The following FABP12 variants were observed in gnomAD, a reference collection of about 807,000 sequenced individuals.
FABP12 encodes fatty acid binding protein 12, also known as fatty acid-binding protein 12.
Under a neutral mutation model 13.7 loss-of-function variants are expected in FABP12, and 19 were observed. The observed-to-expected ratio is 1.39, with a 90% CI of 0.97 to 2.04. The LOEUF is 2.04. Among genes scored for constraint, FABP12 ranks in the 30% most tolerant of loss-of-function variants. The probability of loss-of-function intolerance (pLI) is 0.00; values close to 1 mark genes in which losing one functional copy is unlikely to be tolerated. For synonymous variants in FABP12, 61 were observed against 57.0 expected, an observed-to-expected ratio of 1.07 and a Z score of -0.32; for missense variants, 182 against 164.2, an observed-to-expected ratio of 1.11 and a Z score of -0.59.
intron 1 of FABP12, among the ~76,000 whole-genome samples, chr8:81,575,454 T>C (rs780573001): frequency 6.6e-6 from 1 of 152,238 alleles, no homozygotes; most frequent in Admixed American, 6.5e-5. Context: ...ATGTTCTGTA[T>C]ATACCTGTTA....
At chr8:81,587,781 A>C (rs552243907) in intron 1 of FABP12, among the ~76,000 whole-genome samples, 1 of 152,260 alleles carries the variant, frequency 6.6e-6, no homozygotes, top group African/African-American at 2.4e-5. Flanking sequence ...ATAGATGTAT[A>C]TATAAATAAA....
chr8:81,527,182 T>G, intron 3 of FABP12, 61 bp from the exon 4 acceptor site: 1 of 950,582 alleles, frequency 1.1e-6, no homozygotes, highest in Non-Finnish European at 1.6e-6. Flanking sequence ...TAAAATTTTA[T>G]CAGGCAGCAA....
intron 1 of FABP12, among the ~76,000 whole-genome samples, chr8:81,577,970 C>T (rs549528070): frequency 1.2e-3 from 180 of 152,200 alleles, no homozygotes; most frequent in African/African-American, 4.1e-3. Context: ...TGATGGAATC[C>T]TCTAATTATT....
chr8:81,585,140 A>G (rs1056488095), intron 1 of FABP12, among the ~76,000 whole-genome samples: 2 of 152,184 alleles, frequency 1.3e-5, no homozygotes, highest in East Asian at 3.8e-4. Context: ...TTAAGGTCAC[A>G]GCCCAAAAAT....
chr8:81,570,681 C>T (rs949652558), intron 1 of FABP12, among the ~76,000 whole-genome samples: 5 of 152,148 alleles, frequency 3.3e-5, no homozygotes, highest in African/African-American at 9.7e-5. Context: ...CAGCTTGTCC[C>T]ATCGTCTGCA....
At position 81,570,599 on chromosome 8, in the gene FABP12, C is replaced by A. The variant is rs148199940; in HGVS notation, c.-185+19454G>T. On this transcript the variant is annotated intron_variant, in intron 1 of 5. Transcript: ENST00000692030. ...TCTCAGCAGAGAGGGTACCTCTCTGCAGCTGGTTGTCCCGTTGTCTCCAGC... is the reference window on the plus strand; with the variant it reads ...TCTCAGCAGAGAGGGTACCTCTCTGAAGCTGGTTGTCCCGTTGTCTCCAGC... Among the ~76,000 whole-genome samples, 694 of 152,206 alleles carry A rather than the reference C, an allele frequency of 4.6e-3. 5 individuals carry two copies. Among genetic ancestry groups the A allele is most frequent in the South Asian group, 0.021 (103 of 4,816 alleles).
At chr8:81,573,667 T>A (rs1038641235) in intron 1 of FABP12, among the ~76,000 whole-genome samples, 1 of 152,170 alleles carries the variant, frequency 6.6e-6, no homozygotes, top group Non-Finnish European at 1.5e-5. Context: ...TTTCGATTCC[T>A]TGGTTAGGTA....
intron 2 of FABP12, 88 bp from the exon 3 acceptor site, chr8:81,529,698 G>A: frequency 8.2e-7 from 1 of 1,221,876 alleles, no homozygotes; most frequent in Non-Finnish European, 1.1e-6. Flanking sequence ...ATCTGTTGTT[G>A]ACTCCAAAAA....
chr8:81,568,046 C>T (rs1809860487), intron 1 of FABP12, among the ~76,000 whole-genome samples: 2 of 151,752 alleles, frequency 1.3e-5, no homozygotes, highest in Non-Finnish European at 2.9e-5. Context: ...TGGCGTGAAC[C>T]CGGGAAGCGG....
intron 1 of FABP12, among the ~76,000 whole-genome samples, chr8:81,572,427 A>G (rs1477873642): frequency 6.6e-6 from 1 of 152,178 alleles, no homozygotes; most frequent in African/African-American, 2.4e-5. Flanking sequence ...TATGTGCAAG[A>G]ATCTTTTGCG....
At chr8:81,542,932 TA>T (rs1463353721) in intron 1 of FABP12, among the ~76,000 whole-genome samples, 1 of 152,174 alleles carries the variant, frequency 6.6e-6, no homozygotes, top group Non-Finnish European at 1.5e-5. Context: ...GGACAAAGAC[TA>T]CCTGACAACA....
At chr8:81,586,052 T>C (rs61356500) in intron 1 of FABP12, among the ~76,000 whole-genome samples, 7,144 of 152,250 alleles carry the variant, frequency 0.047, 490 homozygotes, top group African/African-American at 0.15. Context: ...TGTCTATGTG[T>C]ACTCAATGTT....
intron 1 of FABP12, among the ~76,000 whole-genome samples, chr8:81,549,035 T>C (rs566440095): frequency 3.3e-5 from 5 of 152,248 alleles, no homozygotes; most frequent in South Asian, 4.1e-4. Flanking sequence ...AGGATCTTGA[T>C]ACAACAAACA....
intron 2 of FABP12, among the ~76,000 whole-genome samples, chr8:81,529,838 G>GA (rs955013059): frequency 3.5e-4 from 53 of 151,938 alleles, no homozygotes; most frequent in African/African-American, 1.1e-3. Flanking sequence ...TATCTTTGCA[G>GA]AAAAAAAATC....
chr8:81,563,781 C>G (rs952544438), intron 1 of FABP12, among the ~76,000 whole-genome samples: 1 of 152,098 alleles, frequency 6.6e-6, no homozygotes, highest in Non-Finnish European at 1.5e-5. Context: ...AACACACCCA[C>G]AAGATCTAGA....
chr8:81,553,136 C>T (rs1425621530), intron 1 of FABP12, among the ~76,000 whole-genome samples: 3 of 152,124 alleles, frequency 2.0e-5, no homozygotes, highest in African/African-American at 2.4e-5. Context: ...CCAAGGAACA[C>T]TAACATTTAA....
At chr8:81,573,968 G>A (rs1809981633) in intron 1 of FABP12, among the ~76,000 whole-genome samples, 1 of 152,062 alleles carries the variant, frequency 6.6e-6, no homozygotes. Flanking sequence ...TGATTGCTCT[G>A]GCTAGGACTT....
At chr8:81,569,229 T>G (rs1179854338) in intron 1 of FABP12, among the ~76,000 whole-genome samples, 1 of 152,220 alleles carries the variant, frequency 6.6e-6, no homozygotes, top group African/African-American at 2.4e-5. Flanking sequence ...CATAAATATA[T>G]ATATCTGATA....
chr8:81,566,629 C>CA (rs138799601), intron 1 of FABP12, among the ~76,000 whole-genome samples: 7,248 of 150,920 alleles, frequency 0.048, 224 homozygotes, highest in East Asian at 0.16. Context: ...CCTTCATGAC[C>CA]AAAAAAACCA....
Sources: gnomAD v4.1 joint callset for allele counts (sites outside exome capture counted in the v4.1 genomes callset) on GRCh38, gnomAD v4.1.1 for gene constraint, MANE v1.5 for transcripts, NCBI Gene and HGNC (gene_info 2026-07-23, HGNC 2026-07-21) for gene names.